Variants in PRKG1 observed in about 807,000 individuals in gnomAD.
PRKG1 encodes protein kinase cGMP-dependent 1.
PRKG1 carries 35 observed loss-of-function variants against 88.1 expected under a neutral mutation model. The observed-to-expected ratio is 0.40, with a 90% confidence interval of 0.30 to 0.53. The LOEUF (loss-of-function observed/expected upper bound fraction) is 0.53. PRKG1 is among the 20% of genes least tolerant of loss of function. The pLI, the probability that PRKG1 is intolerant of heterozygous loss-of-function variation, is 0.59. For missense variants in PRKG1, 540 were observed against 839.8 expected, an observed-to-expected ratio of 0.64 and a Z score of 4.41; for synonymous variants, 303 against 292.5, an observed-to-expected ratio of 1.04 and a Z score of -0.37.
intron 1 of PRKG1, among the ~76,000 whole-genome samples, chr10:51,037,615 T>G (rs1220112911): frequency 1.3e-5 from 2 of 151,738 alleles, no homozygotes; most frequent in African/African-American, 2.4e-5. Context: ...GAAACCCCAT[T>G]TCTACTAAAA....
intron 4 of PRKG1, among the ~76,000 whole-genome samples, chr10:51,826,717 C>A (rs1008969862): frequency 1.3e-5 from 2 of 152,152 alleles, no homozygotes; most frequent in Non-Finnish European, 2.9e-5. Flanking sequence ...CCAGAGTTCT[C>A]ATTCCCAGGT....
At chr10:51,129,399 C>T (rs1360690969) in intron 1 of PRKG1, among the ~76,000 whole-genome samples, 1 of 151,550 alleles carries the variant, frequency 6.6e-6, no homozygotes, top group Non-Finnish European at 1.5e-5. Flanking sequence ...GAGCCAAGAT[C>T]GTGCCACCAC....
chr10:51,738,506 T>C (rs1388881022), intron 3 of PRKG1, among the ~76,000 whole-genome samples: 1 of 152,208 alleles, frequency 6.6e-6, no homozygotes, highest in Non-Finnish European at 1.5e-5. Flanking sequence ...TGGCACAATA[T>C]ATGACAAATT....
At chr10:51,402,848 A>T (rs906376873) in intron 2 of PRKG1, among the ~76,000 whole-genome samples, 9 of 152,290 alleles carry the variant, frequency 5.9e-5, no homozygotes, top group Non-Finnish European at 1.0e-4. Flanking sequence ...CCATTTTAGG[A>T]GTGCCTGGCT....
In PRKG1 at chr10:51,418,057, C is replaced by T. The variant is rs564754739; in HGVS notation, c.479-49666C>T. ...GCAGTTTCTATTAGTAAATGTTTAT[C>T]GTTTTTATTCTTCTATGCTTTCCTT... On this transcript the variant is annotated intron_variant, in intron 2 of 17. Transcript: ENST00000373980. Among the ~76,000 whole-genome samples the T allele has an allele frequency of 2.6e-4, 40 of 152,282 alleles. 1 individual carries two copies. The highest frequency in any genetic ancestry group is 8.9e-4 in the African/African-American group (37 of 41,564).
intron 9 of PRKG1, among the ~76,000 whole-genome samples, chr10:52,195,022 A>T (rs1839467031): frequency 6.6e-6 from 1 of 152,186 alleles, no homozygotes; most frequent in Non-Finnish European, 1.5e-5. Context: ...TTTAACACTT[A>T]AGTTAAATGC....
chr10:51,280,096 TTG>T (rs1840249652), intron 2 of PRKG1, among the ~76,000 whole-genome samples: 1 of 152,216 alleles, frequency 6.6e-6, no homozygotes, highest in African/African-American at 2.4e-5. Context: ...CAGCATTTGC[TTG>T]TCTGTAAAGG....
intron 9 of PRKG1, among the ~76,000 whole-genome samples, chr10:52,176,418 C>G (rs1838869768): frequency 6.6e-6 from 1 of 151,940 alleles, no homozygotes; most frequent in South Asian, 2.1e-4. Context: ...GTTACTACAG[C>G]TTTGTAGTAT....
intron 3 of PRKG1, among the ~76,000 whole-genome samples, chr10:51,547,668 A>C (rs528348014): frequency 6.6e-6 from 1 of 152,252 alleles, no homozygotes; most frequent in African/African-American, 2.4e-5. Context: ...TAAAAAAATC[A>C]ATCTCAAAAG....
At chr10:51,838,890 G>C (rs566216313) in intron 4 of PRKG1, among the ~76,000 whole-genome samples, 1 of 152,136 alleles carries the variant, frequency 6.6e-6, no homozygotes, top group Non-Finnish European at 1.5e-5. Context: ...AATTTTTCCA[G>C]CCAAAACTGG....
Position 51,566,936 on chromosome 10 carries a change from A to AG in PRKG1, c.592+99100_592+99101insG, listed in dbSNP as rs1554822204. On this transcript the variant is annotated intron_variant, in intron 3 of 17. Coordinates refer to ENST00000373980, the MANE Select transcript of PRKG1 (RefSeq NM_006258.4). ...GACACATACACACACATAAAAAAAA[A>AG]AGAGAGAGAGAGAAAGAAAAAACAA... is the stretch of plus-strand genomic sequence containing the variant. 4.5e-5 allele frequency among the ~76,000 whole-genome samples: 6 copies of AG among 133,366 alleles called. No homozygotes were observed. The East Asian group carries it at 5.8e-4, about 13-fold the overall frequency. The allele number at this position is 133,366 out of a possible 152,430, so 87.5% of individuals were successfully genotyped here. A position where few individuals can be genotyped will look rare whatever the true frequency, so the allele number is the denominator to read the frequency against.
intron 5 of PRKG1, among the ~76,000 whole-genome samples, chr10:51,956,427 A>G (rs1173963248): frequency 6.6e-6 from 1 of 151,964 alleles, no homozygotes; most frequent in Non-Finnish European, 1.5e-5. Flanking sequence ...AATAGTAACA[A>G]TAAAACAATT....
intron 2 of PRKG1, among the ~76,000 whole-genome samples, chr10:51,270,698 C>A (rs889128269): frequency 3.3e-5 from 5 of 152,122 alleles, no homozygotes; most frequent in Non-Finnish European, 5.9e-5. Flanking sequence ...TAAAAATCAA[C>A]CCTTTCCATG....
chr10:51,264,916 C>G (rs1420741589), intron 2 of PRKG1, among the ~76,000 whole-genome samples: 1 of 151,948 alleles, frequency 6.6e-6, no homozygotes, highest in East Asian at 1.9e-4. Context: ...AATTATTCAC[C>G]CTTTCAAGAT....
chr10:52,254,649 T>C (rs1169403772), intron 10 of PRKG1, among the ~76,000 whole-genome samples: 1 of 152,072 alleles, frequency 6.6e-6, no homozygotes, highest in Non-Finnish European at 1.5e-5. Flanking sequence ...TGTGTTTGTG[T>C]GTGAAGGTAG....
intron 9 of PRKG1, among the ~76,000 whole-genome samples, chr10:52,234,580 A>G (rs1444248765): frequency 6.9e-6 from 1 of 145,612 alleles, no homozygotes; most frequent in Non-Finnish European, 1.5e-5. Flanking sequence ...GGAAGATGAA[A>G]TGAATGAAAT....
intron 1 of PRKG1, among the ~76,000 whole-genome samples, chr10:51,146,113 C>G (rs908629302): frequency 1.3e-5 from 2 of 151,602 alleles, no homozygotes; most frequent in African/African-American, 4.9e-5. Flanking sequence ...GGCATGAACC[C>G]GGGAGGCGGA....
chr10:51,844,116 G>C lies in PRKG1; in HGVS notation c.698+39426G>C, dbSNP rs1336427342. On this transcript the variant is annotated intron_variant, in intron 4 of 17. Transcript: ENST00000373980. The stretch of plus-strand genomic sequence containing the variant: ...GTTTTTTATTTTTATTTTTGTCAAT[G>C]CATCATTTGACAGAGGGGAAGAAGA... 2.6e-5 allele frequency among the ~76,000 whole-genome samples: 4 copies of C among 151,920 alleles called. No individual in the cohort carries two copies. In the South Asian group the frequency reaches 8.3e-4, roughly 32 times the overall value.
chr10:51,363,646 G>A (rs556506009), intron 2 of PRKG1, among the ~76,000 whole-genome samples: 6 of 151,970 alleles, frequency 3.9e-5, no homozygotes, highest in South Asian at 4.1e-4. Flanking sequence ...TTAGAGACAC[G>A]TATTGTTGTC....
Sources: gnomAD v4.1 joint callset for allele counts (sites outside exome capture counted in the v4.1 genomes callset) on GRCh38, gnomAD v4.1.1 for gene constraint, MANE v1.5 for transcripts, NCBI Gene and HGNC (gene_info 2026-07-23, HGNC 2026-07-21) for gene names.